SLC36A4: variants seen among roughly 807,000 people sequenced by gnomAD.
SLC36A4 encodes neutral amino acid uniporter 4.
A neutral mutation model predicts 50.5 loss-of-function variants in SLC36A4; 49 were observed. That is an observed-to-expected ratio of 0.97 (90% CI 0.77 to 1.23). The LOEUF is 1.23. Among genes scored for constraint, SLC36A4 ranks in the 50% most tolerant of loss-of-function variants. SLC36A4 has a pLI of 0.00. For missense variants in SLC36A4, 611 were observed against 608.4 expected (o/e 1.00, Z -0.05); for synonymous variants, 207 against 206.5 (o/e 1.00, Z -0.02).
Position 93,165,921 on chromosome 11 carries a change from TCCTATG to T in SLC36A4, c.858_863del (p.Ile287_Gly288del). 2 of 1,592,380 alleles carry T rather than the reference TCCTATG, an allele frequency of 1.3e-6. No individual in the cohort carries two copies. The highest frequency in any genetic ancestry group is 4.5e-5 in the East Asian group (2 of 44,606). On this transcript the variant is annotated inframe_deletion, in exon 8 of 11. Coordinates refer to ENST00000326402, the MANE Select transcript of SLC36A4 (RefSeq NM_152313.4). The stretch of plus-strand genomic sequence containing the variant: ...ATAATAAAGACTAAATTCTTACCAC[TCCTATG>T]CCTTCAAAAGCAAATACAGCAGTAC...
intron 1 of SLC36A4, among the ~76,000 whole-genome samples, chr11:93,188,653 T>C (rs2134706622): frequency 6.6e-6 from 1 of 152,356 alleles, no homozygotes; most frequent in Non-Finnish European, 1.5e-5. Context: ...GTATTAGGTC[T>C]ACTGGGATAT....
intron 9 of SLC36A4, chr11:93,160,848 TTAA>T: frequency 9.5e-6 from 7 of 734,556 alleles, no homozygotes; most frequent in Non-Finnish European, 1.2e-5. Flanking sequence ...ATTGTTATTA[TTAA>T]TATTATTGAG....
chr11:93,153,490 G>A (rs894985588), intron 10 of SLC36A4, among the ~76,000 whole-genome samples: 1 of 152,046 alleles, frequency 6.6e-6, no homozygotes, highest in East Asian at 1.9e-4. Flanking sequence ...CACCGAGTAA[G>A]TGATAGGCTT....
chr11:93,181,486 C>T (rs1266410429), intron 5 of SLC36A4, among the ~76,000 whole-genome samples: 2 of 151,918 alleles, frequency 1.3e-5, no homozygotes, highest in Non-Finnish European at 2.9e-5. Context: ...GAAAAACAAA[C>T]CACAATGATA....
At chr11:93,178,063 T>G (rs945643816) in intron 6 of SLC36A4, among the ~76,000 whole-genome samples, 3 of 152,124 alleles carry the variant, frequency 2.0e-5, no homozygotes, top group African/African-American at 7.2e-5. Context: ...TACTCAAGCC[T>G]CAGCAATGGC....
rs2134620157 is a variant in SLC36A4 at position 93,148,430 on chromosome 11, A to T, written c.*107T>A. 1 of 995,678 alleles carries T rather than the reference A, an allele frequency of 1.0e-6. No individual in the cohort carries two copies. Among genetic ancestry groups the T allele is most frequent in the Non-Finnish European group, 1.5e-6 (1 of 656,294 alleles). 61.7% of individuals were successfully genotyped at this position (995,678 alleles called of 1,614,324 possible). A position where few individuals can be genotyped will look rare whatever the true frequency, so the allele number is the denominator to read the frequency against. ...CAAAATATTAATATCGTGCCAAAGA[A>T]AACAGAGTTTGTTACCATTTTTATG... On this transcript the variant is annotated 3_prime_UTR_variant, in exon 11 of 11. Transcript: ENST00000326402.
chr11:93,168,800 T>A (rs996996394), intron 6 of SLC36A4, among the ~76,000 whole-genome samples: 2 of 152,054 alleles, frequency 1.3e-5, no homozygotes, highest in African/African-American at 4.8e-5. Context: ...CTTCACAAGA[T>A]AAATCAACCT....
Position 93,168,165 on chromosome 11 carries a change from C to G in SLC36A4, c.547G>C (p.Glu183Gln). Residue 183 changes from glutamate to glutamine, a missense_variant, in exon 7 of 11, where the codon GAA becomes CAA. Glu to Gln is a conservative substitution (Grantham distance 29, BLOSUM62 2). Coordinates refer to ENST00000326402, the MANE Select transcript of SLC36A4 (RefSeq NM_152313.4). ...FLAENVKQVH[E>Q]GFLESKVFIS... ...AACACTTTACTCTCCAGGAATCCTT[C>G]ATGAACCTACATAGGATTACCAGGA... 6.3e-7 allele frequency: 1 copy of G among 1,593,796 alleles called. No homozygotes were observed. The highest frequency in any genetic ancestry group is 8.6e-7 in the Non-Finnish European group (1 of 1,167,466).
rs531299989 is a variant in SLC36A4, at chr11:93,196,667, C to T, written c.55+1111G>A. On this transcript the variant is annotated intron_variant, in intron 1 of 10. Coordinates refer to ENST00000326402, the MANE Select transcript of SLC36A4 (RefSeq NM_152313.4). ...TACAGGCGTGAGCCACCGCGCCAGG[C>T]CGATATGTACATTTTTAAGGCTAAA... Among the ~76,000 whole-genome samples the T allele has an allele frequency of 7.2e-5, 11 of 152,322 alleles. No individual in the cohort carries two copies. In the East Asian group the frequency reaches 1.9e-3, roughly 27 times the overall value.
At position 93,145,815 on chromosome 11, in the gene SLC36A4, G is replaced by A. The variant is rs1483043062; in HGVS notation, c.*2722C>T. 2 of 152,004 alleles carry A rather than the reference G, an allele frequency of 1.3e-5. No homozygotes were observed. The highest frequency in any genetic ancestry group is 4.8e-5 in the African/African-American group (2 of 41,402). 9.4% of individuals were successfully genotyped at this position (152,004 alleles called of 1,614,324 possible). Reference sequence around the variant, plus strand: ...GCTCCCAAAATAAAAGCAAGAGCTGGTATAATCGAAATATCGTCTCCAAAA... The same window carrying A: ...GCTCCCAAAATAAAAGCAAGAGCTGATATAATCGAAATATCGTCTCCAAAA... On this transcript the variant is annotated 3_prime_UTR_variant, in exon 11 of 11. Transcript: ENST00000326402.
chr11:93,153,711 A>G (rs1860211279), intron 10 of SLC36A4, among the ~76,000 whole-genome samples: 2 of 152,150 alleles, frequency 1.3e-5, no homozygotes, highest in African/African-American at 4.8e-5. Context: ...AGTAAAATTA[A>G]ACACTTTCCT....
At chr11:93,149,093 T>C (rs1590924711) in intron 10 of SLC36A4, among the ~76,000 whole-genome samples, 1 of 152,096 alleles carries the variant, frequency 6.6e-6, no homozygotes, top group Non-Finnish European at 1.5e-5. Flanking sequence ...TAAACAACTT[T>C]TAATTTTTTG....
intron 2 of SLC36A4, chr11:93,185,318 A>C (rs1011742802): frequency 6.3e-6 from 1 of 158,608 alleles, no homozygotes; most frequent in African/African-American, 2.4e-5. Flanking sequence ...AACGATGACA[A>C]AATGTCAAAA....
chr11:93,155,459 G>T (rs901181393), intron 9 of SLC36A4: 16 of 151,750 alleles, frequency 1.1e-4, no homozygotes, highest in Non-Finnish European at 2.1e-4. Context: ...ATAATGTCAA[G>T]GTATATAAAC....
chr11:93,182,738 T>C, intron 4 of SLC36A4, 68 bp downstream of exon 4: 1 of 1,167,532 alleles, frequency 8.6e-7, no homozygotes, highest in Non-Finnish European at 1.3e-6. Context: ...CAGTAGAATA[T>C]AAGACTATCT....
At chr11:93,184,562 A>C (rs745538972) in intron 2 of SLC36A4, 42 bp from the exon 3 acceptor site, 2 of 1,154,760 alleles carry the variant, frequency 1.7e-6, no homozygotes, top group Non-Finnish European at 2.6e-6. Context: ...TTTAGAACAA[A>C]ATCTATTATA....
At position 93,165,900 on chromosome 11, in the gene SLC36A4, TA is replaced by T; in HGVS notation, c.867+17del. ...GAATTAAGATTTTAAAAAATAATAATAAAGACTAAATTCTTACCACTCCTAT... is the reference window on the plus strand; with the variant it reads ...GAATTAAGATTTTAAAAAATAATAATAAGACTAAATTCTTACCACTCCTAT... On this transcript the variant is annotated intron_variant, in intron 8 of 10. Coordinates refer to ENST00000326402, the MANE Select transcript of SLC36A4 (RefSeq NM_152313.4). 6.8e-7 allele frequency: 1 copy of T among 1,467,670 alleles called. No individual in the cohort carries two copies. The allele number at this position is 1,467,670 out of a possible 1,614,324, so 90.9% of individuals were successfully genotyped here. A position where few individuals can be genotyped will look rare whatever the true frequency, so the allele number is the denominator to read the frequency against.
intron 6 of SLC36A4, among the ~76,000 whole-genome samples, chr11:93,176,588 G>A (rs1329374422): frequency 9.9e-5 from 15 of 151,768 alleles, no homozygotes; most frequent in Non-Finnish European, 2.2e-4. Context: ...AGCTGGTACC[G>A]GTTGTTCCTT....
In SLC36A4 at chr11:93,145,096, T is replaced by C. The variant is rs1859821931; in HGVS notation, c.*3441A>G. ...CTGTACTGAAATCTATGAGAAGACA[T>C]AAGTAAGCTATAGTAAGACTTGTGC... On this transcript the variant is annotated 3_prime_UTR_variant, in exon 11 of 11. Transcript: ENST00000326402. 6.6e-6 allele frequency: 1 copy of C among 152,040 alleles called. No individual in the cohort carries two copies. The highest frequency in any genetic ancestry group is 2.1e-4 in the South Asian group (1 of 4,834). 9.4% of individuals were successfully genotyped at this position (152,040 alleles called of 1,614,324 possible).
Sources: gnomAD v4.1 joint callset for allele counts (sites outside exome capture counted in the v4.1 genomes callset) on GRCh38, gnomAD v4.1.1 for gene constraint, MANE v1.5 for transcripts, NCBI Gene and HGNC (gene_info 2026-07-23, HGNC 2026-07-21) for gene names.